TMEM163: variants seen among roughly 807,000 people sequenced by gnomAD.
TMEM163 encodes the protein transmembrane protein 163.
A neutral mutation model predicts 29.3 loss-of-function variants in TMEM163; 17 were observed. The observed-to-expected ratio is 0.58, with a 90% confidence interval of 0.40 to 0.87. The LOEUF (loss-of-function observed/expected upper bound fraction) is 0.87, where lower values mean the gene tolerates loss of function less well. TMEM163 is among the 40% of genes least tolerant of loss of function. TMEM163 has a pLI of 0.00. For missense variants in TMEM163, 303 were observed against 381.5 expected, an observed-to-expected ratio of 0.79 and a Z score of 1.71; for synonymous variants, 157 against 160.6, an observed-to-expected ratio of 0.98 and a Z score of 0.17.
chr2:134,597,340 T>C (rs1047319590), intron 2 of TMEM163, among the ~76,000 whole-genome samples: 4 of 152,270 alleles, frequency 2.6e-5, no homozygotes, highest in Non-Finnish European at 5.9e-5. Flanking sequence ...TTGAATTTTG[T>C]CAAAGGCCTT....
chr2:134,505,062 G>A (rs1679790101), intron 4 of TMEM163, among the ~76,000 whole-genome samples: 1 of 152,044 alleles, frequency 6.6e-6, no homozygotes. Context: ...CAGGAGAAGA[G>A]CCTAAAATCA....
intron 4 of TMEM163, 109 bp downstream of exon 4, chr2:134,550,461 T>C (rs1680889549): frequency 3.9e-6 from 4 of 1,038,300 alleles, no homozygotes; most frequent in Admixed American, 3.9e-5. Flanking sequence ...GGGGACCTTC[T>C]TCTCATCACT....
In TMEM163 at chr2:134,675,392, G is replaced by T. The variant is rs184052864; in HGVS notation, c.322+37808C>A. 3.7e-3 allele frequency among the ~76,000 whole-genome samples: 557 copies of T among 152,246 alleles called. 4 individuals carry two copies. The highest frequency in any genetic ancestry group is 0.013 in the African/African-American group (538 of 41,540). On this transcript the variant is annotated intron_variant, in intron 2 of 7. Coordinates refer to ENST00000281924, the MANE Select transcript of TMEM163 (RefSeq NM_030923.5). ...GGTTTAAACTTTAGCCACTTGTATCGCCTGAGGTTTTTCAAAACCTTTATT... is the reference window on the plus strand; with the variant it reads ...GGTTTAAACTTTAGCCACTTGTATCTCCTGAGGTTTTTCAAAACCTTTATT...
intron 2 of TMEM163, among the ~76,000 whole-genome samples, chr2:134,699,240 A>G (rs1192956892): frequency 2.0e-5 from 3 of 152,236 alleles, no homozygotes; most frequent in East Asian, 3.8e-4. Context: ...ATGGTGGCTC[A>G]TGCCTGTAAT....
intron 4 of TMEM163, among the ~76,000 whole-genome samples, chr2:134,533,316 C>T (rs1476132936): frequency 1.3e-5 from 2 of 152,184 alleles, no homozygotes; most frequent in South Asian, 4.1e-4. Flanking sequence ...ACAATATGAA[C>T]AGAAAGATCC....
chr2:134,558,457 T>C (rs1313275619), intron 2 of TMEM163, among the ~76,000 whole-genome samples: 1 of 152,150 alleles, frequency 6.6e-6, no homozygotes, highest in African/African-American at 2.4e-5. Flanking sequence ...CTTCTTTAAC[T>C]AAGTCACACA....
chr2:134,622,078 C>T (rs1021184921), intron 2 of TMEM163, among the ~76,000 whole-genome samples: 20 of 152,028 alleles, frequency 1.3e-4, no homozygotes, highest in African/African-American at 2.7e-4. Flanking sequence ...CTGTGTATTG[C>T]GTGGTTCGAT....
At chr2:134,684,831 G>A (rs1015596845) in intron 2 of TMEM163, among the ~76,000 whole-genome samples, 2 of 151,274 alleles carry the variant, frequency 1.3e-5, no homozygotes, top group Non-Finnish European at 2.9e-5. Flanking sequence ...GCTGAGGCAC[G>A]AGAATTGCTT....
At chr2:134,710,511 T>C (rs1178616023) in intron 2 of TMEM163, among the ~76,000 whole-genome samples, 1 of 152,128 alleles carries the variant, frequency 6.6e-6, no homozygotes, top group Non-Finnish European at 1.5e-5. Context: ...AGCAAGAGAA[T>C]GGCCATAGGA....
intron 2 of TMEM163, among the ~76,000 whole-genome samples, chr2:134,668,254 A>G (rs542932365): frequency 3.3e-5 from 5 of 152,326 alleles, no homozygotes; most frequent in Middle Eastern, 6.8e-3. Flanking sequence ...CTGTCCTGGA[A>G]CAAGCCCACA....
intron 2 of TMEM163, among the ~76,000 whole-genome samples, chr2:134,697,414 A>T (rs1425856295): frequency 3.3e-5 from 5 of 151,740 alleles, no homozygotes; most frequent in Non-Finnish European, 7.4e-5. Flanking sequence ...CTTGTCTTGA[A>T]TTTTACCAAA....
intron 2 of TMEM163, among the ~76,000 whole-genome samples, chr2:134,592,243 G>C (rs1360676014): frequency 1.3e-5 from 2 of 152,174 alleles, no homozygotes; most frequent in Non-Finnish European, 2.9e-5. Flanking sequence ...AGCCTTCAGA[G>C]AGAATAGATA....
At chr2:134,648,350 C>CTCTTCTCT (rs1553489011) in intron 2 of TMEM163, among the ~76,000 whole-genome samples, 2 of 151,824 alleles carry the variant, frequency 1.3e-5, no homozygotes, top group African/African-American at 2.4e-5. Context: ...CTCTTCTCTG[C>CTCTTCTCT]TGTGTGGAAC....
intron 4 of TMEM163, among the ~76,000 whole-genome samples, chr2:134,548,769 C>T (rs1349071171): frequency 1.3e-5 from 2 of 152,090 alleles, no homozygotes; most frequent in Non-Finnish European, 2.9e-5. Context: ...GTTTATGTTT[C>T]GTATACACCT....
chr2:134,566,291 A>G (rs1336654316), intron 2 of TMEM163, among the ~76,000 whole-genome samples: 8 of 152,176 alleles, frequency 5.3e-5, no homozygotes, highest in Non-Finnish European at 1.0e-4. Context: ...CAGATATAAA[A>G]GGATTTTGCT....
chr2:134,502,273 A>G (rs1308477822), intron 5 of TMEM163, among the ~76,000 whole-genome samples: 1 of 152,142 alleles, frequency 6.6e-6, no homozygotes, highest in Non-Finnish European at 1.5e-5. Flanking sequence ...TCTCCTGGTA[A>G]CCACATCAGC....
At chr2:134,651,424 A>C (rs1408791563) in intron 2 of TMEM163, among the ~76,000 whole-genome samples, 1 of 120,686 alleles carries the variant, frequency 8.3e-6, no homozygotes. Context: ...GTTTGAGTTC[A>C]TTGTAGATTC....
chr2:134,628,823 T>TTCTAACAAA (rs1448357893), intron 2 of TMEM163, among the ~76,000 whole-genome samples: 30 of 152,360 alleles, frequency 2.0e-4, no homozygotes, highest in African/African-American at 7.2e-4. Context: ...TTTCTGAGTC[T>TTCTAACAAA]TGTGGGTCCT....
intron 2 of TMEM163, among the ~76,000 whole-genome samples, chr2:134,659,451 T>C (rs60857873): frequency 0.15 from 22,955 of 152,178 alleles, 2,579 homozygotes; most frequent in African/African-American, 0.32. Flanking sequence ...ATGACTGCAG[T>C]GGCTCTGGGT....
Sources: allele counts gnomAD v4.1 joint callset (sites outside exome capture counted in the v4.1 genomes callset), GRCh38; gene constraint gnomAD v4.1.1; transcripts MANE v1.5; gene names NCBI Gene and HGNC (gene_info 2026-07-23, HGNC 2026-07-21).